Variants in ADGRV1 observed in about 807,000 individuals in gnomAD.
ADGRV1 encodes the protein G-protein coupled receptor 98.
Under a neutral mutation model 596.2 loss-of-function variants are expected in ADGRV1, and 359 were observed. The ratio of observed to expected loss-of-function variants is 0.60; its 90% confidence interval spans 0.55 to 0.66. The LOEUF (loss-of-function observed/expected upper bound fraction) is 0.66, where lower values mean the gene tolerates loss of function less well. ADGRV1 is among the 30% of genes least tolerant of loss of function. The probability of loss-of-function intolerance (pLI) is 0.00; values close to 1 mark genes in which losing one functional copy is unlikely to be tolerated. For synonymous variants in ADGRV1, 2,681 were observed against 2,679.2 expected (o/e 1.00, Z -0.02); for missense variants, 7,274 against 7,575.6 (o/e 0.96, Z 1.48).
At chr5:90,740,829 C>T (rs773519537) in intron 50 of ADGRV1, among the ~76,000 whole-genome samples, 5 of 152,128 alleles carry the variant, frequency 3.3e-5, no homozygotes, top group Non-Finnish European at 7.4e-5. Context: ...CCCACAGTTC[C>T]CGGGGAATCT....
At chr5:91,086,590 CT>C (rs752012927) in intron 86 of ADGRV1, among the ~76,000 whole-genome samples, 1 of 152,160 alleles carries the variant, frequency 6.6e-6, no homozygotes, top group Non-Finnish European at 1.5e-5. Flanking sequence ...ATTAGAATCT[CT>C]GGTGATGAAG....
chr5:91,107,510 C>T (rs1029265886), intron 87 of ADGRV1, among the ~76,000 whole-genome samples: 5 of 152,070 alleles, frequency 3.3e-5, no homozygotes, highest in Non-Finnish European at 7.4e-5. Flanking sequence ...TGAAAAACTA[C>T]TCTGGAGCTG....
chr5:90,774,266 G>A lies in ADGRV1; in HGVS notation c.12366G>A (p.Leu4122=). Residue 4122 remains leucine, a synonymous_variant, in exon 60 of 90, where the codon CTG becomes CTA. Coordinates refer to ENST00000405460, the MANE Select transcript of ADGRV1 (RefSeq NM_032119.4). The part of the protein sequence containing the change: ...LEEDRRFTIQ[L]ISIDEVEISP... ...AGGACAGGCGTTTCACCATTCAGCT[G>A]ATATCAATTGATGAGGTAGAAATAT... 6.2e-7 allele frequency: 1 copy of A among 1,601,646 alleles called. No homozygotes were observed.
intron 87 of ADGRV1, among the ~76,000 whole-genome samples, chr5:91,127,275 C>T (rs565547636): frequency 1.3e-5 from 2 of 152,194 alleles, no homozygotes; most frequent in Non-Finnish European, 2.9e-5. Flanking sequence ...CCTAGTGGCT[C>T]ATGCCTGTAA....
chr5:90,813,613 C>T (rs1288328449), intron 74 of ADGRV1, among the ~76,000 whole-genome samples: 1 of 152,138 alleles, frequency 6.6e-6, no homozygotes. Context: ...TGCAAATGAC[C>T]GATACCCTAC....
intron 82 of ADGRV1, among the ~76,000 whole-genome samples, chr5:90,863,413 G>A (rs761319485): frequency 1.3e-5 from 2 of 152,120 alleles, no homozygotes; most frequent in Non-Finnish European, 2.9e-5. Context: ...TTGCAAAGTT[G>A]CCTTTAAAAT....
chr5:91,028,033 CTTTCTT>C (rs1784162024), intron 85 of ADGRV1, among the ~76,000 whole-genome samples: 3 of 87,698 alleles, frequency 3.4e-5, no homozygotes, highest in Non-Finnish European at 5.8e-5. Context: ...CTTTTTTTTT[CTTTCTT>C]TTTTTTTTTT....
At chr5:90,634,860 G>A (rs911537771) in intron 9 of ADGRV1, among the ~76,000 whole-genome samples, 4 of 152,134 alleles carry the variant, frequency 2.6e-5, no homozygotes, top group Non-Finnish European at 5.9e-5. Context: ...TTATTAAGGA[G>A]CAGGCATAAA....
intron 50 of ADGRV1, among the ~76,000 whole-genome samples, chr5:90,741,982 A>T (rs1754016358): frequency 6.6e-6 from 1 of 152,204 alleles, no homozygotes; most frequent in Non-Finnish European, 1.5e-5. Context: ...TGGAAGAAGA[A>T]GAATGAATAT....
intron 1 of ADGRV1, among the ~76,000 whole-genome samples, chr5:90,560,841 T>C (rs2151937547): frequency 6.6e-6 from 1 of 152,268 alleles, no homozygotes; most frequent in Non-Finnish European, 1.5e-5. Flanking sequence ...GTAATAAATA[T>C]AACTGCTAGA....
intron 83 of ADGRV1, among the ~76,000 whole-genome samples, chr5:90,903,890 C>A (rs1286894534): frequency 6.6e-6 from 1 of 151,786 alleles, no homozygotes; most frequent in African/African-American, 2.4e-5. Context: ...ACCCATTAAC[C>A]ATCCTTTCCT....
At chr5:90,822,879 C>A (rs1006987350) in intron 75 of ADGRV1, among the ~76,000 whole-genome samples, 4 of 152,020 alleles carry the variant, frequency 2.6e-5, no homozygotes, top group African/African-American at 9.7e-5. Flanking sequence ...GTATTTTATT[C>A]TCTTTGAAGC....
chr5:90,910,686 CA>C (rs1463650505), intron 83 of ADGRV1, among the ~76,000 whole-genome samples: 3 of 151,684 alleles, frequency 2.0e-5, no homozygotes, highest in Admixed American at 6.6e-5. Flanking sequence ...GGCACATGAT[CA>C]AAAAGTTTTC....
intron 1 of ADGRV1, among the ~76,000 whole-genome samples, chr5:90,604,298 T>G (rs1449440923): frequency 6.6e-6 from 1 of 152,206 alleles, no homozygotes; most frequent in Non-Finnish European, 1.5e-5. Flanking sequence ...TCTTTTGCTT[T>G]CTTTCTTACT....
At chr5:91,092,422 TAGTC>T (rs1299014097) in intron 86 of ADGRV1, among the ~76,000 whole-genome samples, 1 of 152,158 alleles carries the variant, frequency 6.6e-6, no homozygotes, top group Non-Finnish European at 1.5e-5. Context: ...TTAAGTTGGT[TAGTC>T]AGGAAGTTTT....
In ADGRV1 at chr5:90,776,705, A is replaced by T. The variant is rs10473940; in HGVS notation, c.12527+129A>T. The T allele has an allele frequency of 3.2e-3, 3,347 of 1,037,074 alleles. 78 individuals are homozygous for T. In the African/African-American group the frequency reaches 0.048, roughly 15 times the overall value. 64.2% of individuals were successfully genotyped at this position (1,037,074 alleles called of 1,614,324 possible). ...CATTAACATTCTATATACTGTTAAC[A>T]TCCTGTGGAGAGGAGAACAAATTTG... On this transcript the variant is annotated intron_variant, in intron 61 of 89. Coordinates refer to ENST00000405460, the MANE Select transcript of ADGRV1 (RefSeq NM_032119.4).
rs70973708 is a variant in ADGRV1 at position 90,788,863 on chromosome 5, GACACACACACACACAC to G, written c.13893+568_13893+583del. On this transcript the variant is annotated intron_variant, in intron 68 of 89. Coordinates refer to ENST00000405460, the MANE Select transcript of ADGRV1 (RefSeq NM_032119.4). Reference sequence around the variant, plus strand: ...TAGGACAGACATGCACACAGACACAGACACACACACACACACACACACACACACACTCACACACACA... The same window carrying G: ...TAGGACAGACATGCACACAGACACAGACACACACACACACTCACACACACA... Among the ~76,000 whole-genome samples, 3 of 146,940 alleles carry G rather than the reference GACACACACACACACAC, an allele frequency of 2.0e-5. No individual in the cohort carries two copies. In the Admixed American group the frequency reaches 2.1e-4, roughly 10 times the overall value.
At chr5:90,945,250 T>G (rs2150880242) in intron 83 of ADGRV1, among the ~76,000 whole-genome samples, 1 of 152,268 alleles carries the variant, frequency 6.6e-6, no homozygotes, top group African/African-American at 2.4e-5. Context: ...ATTTTTTTTT[T>G]TTGTTCTTCT....
In ADGRV1 at chr5:90,857,102, G is replaced by T. The variant is rs548875732; in HGVS notation, c.17755+1201G>T. On this transcript the variant is annotated intron_variant, in intron 82 of 89. Transcript: ENST00000405460. ...TTCTGAACCTAACTTCAATTCAATA[G>T]CAAGATAATAACTTCTTATTCTTAA... is the stretch of plus-strand genomic sequence containing the variant. 9.9e-5 allele frequency among the ~76,000 whole-genome samples: 15 copies of T among 152,042 alleles called. No individual in the cohort carries two copies. The South Asian group carries it at 3.1e-3, about 32-fold the overall frequency.
Sources: allele counts gnomAD v4.1 joint callset (sites outside exome capture counted in the v4.1 genomes callset), GRCh38; gene constraint gnomAD v4.1.1; transcripts MANE v1.5; gene names NCBI Gene and HGNC (gene_info 2026-07-23, HGNC 2026-07-21).